CLASP1: variants seen among roughly 807,000 people sequenced by gnomAD.
CLASP1 encodes the protein CLIP-associating protein 1.
In CLASP1, 38 loss-of-function variants were observed where a neutral mutation model predicts 192.3. That is an observed-to-expected ratio of 0.20 (90% CI 0.15 to 0.26). The LOEUF (loss-of-function observed/expected upper bound fraction) is 0.26, where lower values mean the gene tolerates loss of function less well. CLASP1 is among the 10% of genes least tolerant of loss of function. The pLI is 1.00. For missense variants in CLASP1, 1,433 were observed against 1,932.5 expected, an observed-to-expected ratio of 0.74 and a Z score of 4.85; for synonymous variants, 691 against 712.8, an observed-to-expected ratio of 0.97 and a Z score of 0.49.
chr2:121,621,362 T>C (rs1207814041), intron 1 of CLASP1, among the ~76,000 whole-genome samples: 1 of 151,986 alleles, frequency 6.6e-6, no homozygotes, highest in Non-Finnish European at 1.5e-5. Context: ...CTTGAATTCC[T>C]GGGCTCAAGC....
At chr2:121,481,440 T>C (rs1296063639) in intron 8 of CLASP1, among the ~76,000 whole-genome samples, 1 of 152,214 alleles carries the variant, frequency 6.6e-6, no homozygotes, top group East Asian at 1.9e-4. Context: ...AAGTATCCAT[T>C]TCCCCTTTGT....
At chr2:121,573,965 C>T (rs1007194453) in intron 2 of CLASP1, among the ~76,000 whole-genome samples, 3 of 152,072 alleles carry the variant, frequency 2.0e-5, no homozygotes, top group African/African-American at 7.2e-5. Flanking sequence ...TACCAGGGTG[C>T]CTGGGGGATT....
intron 2 of CLASP1, among the ~76,000 whole-genome samples, chr2:121,558,218 A>G (rs1350980927): frequency 6.6e-6 from 1 of 152,234 alleles, no homozygotes; most frequent in African/African-American, 2.4e-5. Flanking sequence ...ATAAATATTA[A>G]CAAGGAGCTA....
chr2:121,401,999 T>C (rs766416923), intron 26 of CLASP1, 129 bp from the exon 28 acceptor site: 48 of 459,834 alleles, frequency 1.0e-4, no homozygotes, highest in Non-Finnish European at 2.1e-4. Context: ...AATGAAATAT[T>C]CTCTCCTCCA....
At chr2:121,350,259 C>T (rs887960255) in intron 37 of CLASP1, among the ~76,000 whole-genome samples, 1 of 152,190 alleles carries the variant, frequency 6.6e-6, no homozygotes, top group Non-Finnish European at 1.5e-5. Context: ...TTCAGTCATC[C>T]CAGCCCTTGT....
chr2:121,568,646 T>C (rs890111174), intron 2 of CLASP1, among the ~76,000 whole-genome samples: 1 of 151,842 alleles, frequency 6.6e-6, no homozygotes, highest in African/African-American at 2.4e-5. Flanking sequence ...GGAAATCTCC[T>C]AAAATGTACT....
chr2:121,531,098 C>A (rs1011747098), intron 2 of CLASP1: 3 of 651,922 alleles, frequency 4.6e-6, no homozygotes, highest in Non-Finnish European at 8.5e-6. Flanking sequence ...AGAGGGTGCA[C>A]AAGACGCGTG....
rs536885639 is a variant in CLASP1, at chr2:121,503,238, T to C, written c.645-4A>G. On this transcript the variant is annotated splice_region_variant and splice_polypyrimidine_tract_variant and intron_variant, in intron 7 of 39. Coordinates refer to ENST00000263710, the Ensembl canonical transcript of CLASP1. Reference sequence around the variant, plus strand: ...TTTTGTAAAAATTACATTCAACCTGTATGAAAGAAAAATGTAAACAAACTA... The same window carrying C: ...TTTTGTAAAAATTACATTCAACCTGCATGAAAGAAAAATGTAAACAAACTA... 21 of 1,494,006 alleles carry C rather than the reference T, an allele frequency of 1.4e-5. No individual in the cohort carries two copies. Among genetic ancestry groups the C allele is most frequent in the Admixed American group, 2.0e-5 (1 of 50,666 alleles). 92.5% of individuals were successfully genotyped at this position (1,494,006 alleles called of 1,614,324 possible). A position where few individuals can be genotyped will look rare whatever the true frequency, so the allele number is the denominator to read the frequency against.
In CLASP1 at chr2:121,384,134, G is replaced by T. The variant is rs539841904; in HGVS notation, c.3375-1810C>A. Among the ~76,000 whole-genome samples the T allele has an allele frequency of 7.1e-3, 689 of 96,476 alleles. 7 individuals carry two copies. Among genetic ancestry groups the T allele is most frequent in the African/African-American group, 0.026 (673 of 26,020 alleles). 63.3% of individuals were successfully genotyped at this position (96,476 alleles called of 152,430 possible). On this transcript the variant is annotated intron_variant, in intron 32 of 39. Transcript: ENST00000263710. ...TATATATATATACACACATATATAT[G>T]TATATATATATACACACACACACAT...
intron 1 of CLASP1, among the ~76,000 whole-genome samples, chr2:121,637,409 A>G (rs75305993): frequency 0.037 from 5,635 of 151,546 alleles, 157 homozygotes; most frequent in East Asian, 0.14. Context: ...TATCTACATG[A>G]AAAAAAAAGA....
chr2:121,552,270 C>A lies in CLASP1; in HGVS notation c.196-21945G>T, dbSNP rs569417698. ...ACAACCTAAGCAATACCATCCTGGA[C>A]ACAGGAATGGGCAAAGTTTTCATGA... On this transcript the variant is annotated intron_variant, in intron 2 of 39. Coordinates refer to ENST00000263710, the Ensembl canonical transcript of CLASP1. Among the ~76,000 whole-genome samples, 4 of 152,288 alleles carry A rather than the reference C, an allele frequency of 2.6e-5. No individual in the cohort carries two copies. In the South Asian group the frequency reaches 6.2e-4, roughly 24 times the overall value.
intron 8 of CLASP1, among the ~76,000 whole-genome samples, chr2:121,482,084 G>T (rs1293160921): frequency 2.0e-5 from 3 of 152,184 alleles, no homozygotes; most frequent in Admixed American, 2.0e-4. Context: ...AACATTAACT[G>T]AGAGTGTGAG....
At chr2:121,475,207 T>C (rs1255275197) in intron 8 of CLASP1, among the ~76,000 whole-genome samples, 1 of 152,236 alleles carries the variant, frequency 6.6e-6, no homozygotes, top group Admixed American at 6.5e-5. Context: ...ATTTATTTTC[T>C]AGATTAAGAG....
rs142094297 is a variant in CLASP1 at position 121,373,132 on chromosome 2, C to T, written c.3642+4367G>A. Reference sequence around the variant, plus strand: ...AACCTGGTGGGAGGTAATTCGATCACGGGGGTGGAATTCCCCCTTGCTGTT... The same window carrying T: ...AACCTGGTGGGAGGTAATTCGATCATGGGGGTGGAATTCCCCCTTGCTGTT... On this transcript the variant is annotated intron_variant, in intron 34 of 39. Transcript: ENST00000263710. Among the ~76,000 whole-genome samples, 311 of 152,278 alleles carry T rather than the reference C, an allele frequency of 2.0e-3. 1 individual carries two copies. Among genetic ancestry groups the T allele is most frequent in the African/African-American group, 7.2e-3 (298 of 41,548 alleles).
chr2:121,450,280 G>A (rs1157016122), intron 16 of CLASP1, among the ~76,000 whole-genome samples: 1 of 151,302 alleles, frequency 6.6e-6, no homozygotes, highest in Admixed American at 6.6e-5. Flanking sequence ...GCAGTGAGCC[G>A]AGATTGCACC....
chr2:121,623,462 A>G (rs1209375046), intron 1 of CLASP1, among the ~76,000 whole-genome samples: 2 of 152,258 alleles, frequency 1.3e-5, no homozygotes, highest in African/African-American at 2.4e-5. Context: ...TTTTACACCT[A>G]TATCCATAAA....
intron 14 of CLASP1, among the ~76,000 whole-genome samples, chr2:121,457,458 TACACAC>T (rs112547655): frequency 2.6e-4 from 37 of 143,444 alleles, no homozygotes; most frequent in South Asian, 4.5e-4. Flanking sequence ...CACACAGACA[TACACAC>T]ACACACACAC....
At chr2:121,537,962 A>T (rs1289298518) in intron 2 of CLASP1, among the ~76,000 whole-genome samples, 1 of 152,234 alleles carries the variant, frequency 6.6e-6, no homozygotes, top group Non-Finnish European at 1.5e-5. Context: ...TTAACTTCAT[A>T]AAGGATATAT....
chr2:121,449,192 A>G, intron 16 of CLASP1, 72 bp from the exon 17 acceptor site: 1 of 1,344,918 alleles, frequency 7.4e-7, no homozygotes. Context: ...TCTGGAGTAC[A>G]CCACAGAAGA....
Sources: gnomAD v4.1 joint callset for allele counts (sites outside exome capture counted in the v4.1 genomes callset) on GRCh38, gnomAD v4.1.1 for gene constraint, MANE v1.5 for transcripts, NCBI Gene and HGNC (gene_info 2026-07-23, HGNC 2026-07-21) for gene names.